Variants in IGF1R observed in about 807,000 individuals in gnomAD.
IGF1R encodes insulin-like growth factor 1 receptor.
Under a neutral mutation model 144.6 loss-of-function variants are expected in IGF1R, and 44 were observed. The observed-to-expected ratio is 0.30, with a 90% CI of 0.24 to 0.39. IGF1R has a LOEUF of 0.39. Ranked by LOEUF, IGF1R falls within the 10% of genes least tolerant of loss-of-function variation. IGF1R has a pLI of 1.00. For synonymous variants in IGF1R, 795 were observed against 722.8 expected, an observed-to-expected ratio of 1.10 and a Z score of -1.60; for missense variants, 1,355 against 1,833.7, an observed-to-expected ratio of 0.74 and a Z score of 4.77.
intron 13 of IGF1R, among the ~76,000 whole-genome samples, chr15:98,926,892 A>G (rs2015742706): frequency 6.6e-6 from 1 of 152,150 alleles, no homozygotes; most frequent in Admixed American, 6.5e-5. Context: ...GAAGCTTCAT[A>G]ATATTCCTGC....
intron 2 of IGF1R, among the ~76,000 whole-genome samples, chr15:98,841,055 C>T (rs2011165700): frequency 6.6e-6 from 1 of 152,044 alleles, no homozygotes; most frequent in South Asian, 2.1e-4. Flanking sequence ...GCCACCGCAT[C>T]TGGTCTCTAA....
intron 17 of IGF1R, among the ~76,000 whole-genome samples, chr15:98,937,301 C>T (rs2016191942): frequency 6.6e-6 from 1 of 152,136 alleles, no homozygotes; most frequent in Non-Finnish European, 1.5e-5. Context: ...TCTGAAAAGT[C>T]CAAAACTCAC....
chr15:98,952,336 C>T (rs112146452), intron 20 of IGF1R, among the ~76,000 whole-genome samples: 14 of 67,698 alleles, frequency 2.1e-4, no homozygotes, highest in African/African-American at 5.9e-4. Context: ...ACACACTGCC[C>T]CTCACAGGTG....
chr15:98,778,751 C>A (rs2055781938), intron 2 of IGF1R, among the ~76,000 whole-genome samples: 1 of 152,224 alleles, frequency 6.6e-6, no homozygotes, highest in South Asian at 2.1e-4. Flanking sequence ...TTGTGTCAGC[C>A]TGGTAGTGGT....
chr15:98,715,281 C>T (rs2054087271), intron 2 of IGF1R, among the ~76,000 whole-genome samples: 2 of 152,190 alleles, frequency 1.3e-5, no homozygotes, highest in African/African-American at 4.8e-5. Flanking sequence ...TGCCTTGTGC[C>T]TCAAAGACTT....
chr15:98,839,380 C>A (rs1679403883), intron 2 of IGF1R, among the ~76,000 whole-genome samples: 1 of 152,132 alleles, frequency 6.6e-6, no homozygotes, highest in South Asian at 2.1e-4. Context: ...AAGTCTCCCC[C>A]ACCTCCCTAC....
chr15:98,787,809 G>A (rs1169343256), intron 2 of IGF1R, among the ~76,000 whole-genome samples: 1 of 152,198 alleles, frequency 6.6e-6, no homozygotes, highest in Non-Finnish European at 1.5e-5. Flanking sequence ...AGCTGGAGGT[G>A]TCTGGTAGGG....
At chr15:98,941,309 G>A (rs758259912) in intron 18 of IGF1R, among the ~76,000 whole-genome samples, 10 of 152,148 alleles carry the variant, frequency 6.6e-5, no homozygotes, top group South Asian at 2.1e-4. Flanking sequence ...CCCACCCTCC[G>A]GGCACATGGG....
intron 2 of IGF1R, among the ~76,000 whole-genome samples, chr15:98,878,440 A>G (rs770182913): frequency 6.6e-6 from 1 of 152,190 alleles, no homozygotes; most frequent in Non-Finnish European, 1.5e-5. Context: ...ATAAACTTAT[A>G]AGGAATATAC....
chr15:98,705,813 TG>T (rs2053848837), intron 1 of IGF1R, among the ~76,000 whole-genome samples: 1 of 152,222 alleles, frequency 6.6e-6, no homozygotes, highest in African/African-American at 2.4e-5. Flanking sequence ...TCAGGAGCCT[TG>T]TGGGGGCTTT....
chr15:98,780,759 A>G (rs1398721680), intron 2 of IGF1R, among the ~76,000 whole-genome samples: 2 of 152,174 alleles, frequency 1.3e-5, no homozygotes, highest in East Asian at 3.8e-4. Context: ...CGGTTTAGAT[A>G]GATAAGTGAA....
At position 98,707,873 on chromosome 15, in the gene IGF1R, A is replaced by G. The variant is rs1461511983; in HGVS notation, c.406A>G (p.Ile136Val). 2 of 1,614,038 alleles carry G rather than the reference A, an allele frequency of 1.2e-6. No individual in the cohort carries two copies. Among genetic ancestry groups the G allele is most frequent in the Non-Finnish European group, 1.7e-6 (2 of 1,180,038 alleles). Reference protein sequence around the residue: ...KDIGLYNLRNITRGAIRIEKN... With the variant: ...KDIGLYNLRNVTRGAIRIEKN... Reference sequence around the variant, plus strand: ...TATTGGGCTTTACAACCTGAGGAACATTACTCGGGGGGCCATCAGGATTGA... The same window carrying G: ...TATTGGGCTTTACAACCTGAGGAACGTTACTCGGGGGGCCATCAGGATTGA... Residue 136 changes from isoleucine to valine, a missense_variant, in exon 2 of 21, where the codon ATT (isoleucine) becomes GTT (valine). Transcript: ENST00000650285. The surrounding 1 kb of genome is among the most constrained non-coding windows in gnomAD (Gnocchi z 6.7).
At chr15:98,804,743 G>C (rs938252410) in intron 2 of IGF1R, among the ~76,000 whole-genome samples, 1 of 152,156 alleles carries the variant, frequency 6.6e-6, no homozygotes, top group South Asian at 2.1e-4. Context: ...ATGGAGTTTC[G>C]CTGGAGTGCA....
intron 1 of IGF1R, among the ~76,000 whole-genome samples, chr15:98,668,398 G>A (rs2052798160): frequency 5.3e-5 from 8 of 152,168 alleles, no homozygotes; most frequent in Admixed American, 5.2e-4. Context: ...TCTTGGCCAG[G>A]TCTGAGAGTT....
chr15:98,898,160 A>G (rs1377088055), intron 4 of IGF1R, among the ~76,000 whole-genome samples: 2 of 152,124 alleles, frequency 1.3e-5, no homozygotes, highest in Admixed American at 1.3e-4. Flanking sequence ...GCCCACTCTC[A>G]TGGTACTTCT....
At chr15:98,898,003 A>G (rs1362843991) in intron 4 of IGF1R, among the ~76,000 whole-genome samples, 1 of 151,856 alleles carries the variant, frequency 6.6e-6, no homozygotes, top group African/African-American at 2.4e-5. Context: ...TTAAATGAGT[A>G]GACTGTATTC....
At chr15:98,794,213 G>A (rs1010607268) in intron 2 of IGF1R, among the ~76,000 whole-genome samples, 9 of 152,158 alleles carry the variant, frequency 5.9e-5, no homozygotes, top group Admixed American at 6.5e-5. Context: ...CTAGACTTCC[G>A]CAGTTTTGGA....
intron 2 of IGF1R, among the ~76,000 whole-genome samples, chr15:98,757,058 T>C (rs2055173264): frequency 6.6e-6 from 1 of 152,252 alleles, no homozygotes; most frequent in Admixed American, 6.5e-5. Context: ...GCAAAGGTTT[T>C]ATTTTCTGTA....
chr15:98,886,374 T>C (rs1312139271), intron 2 of IGF1R, among the ~76,000 whole-genome samples: 2 of 152,194 alleles, frequency 1.3e-5, no homozygotes, highest in Non-Finnish European at 2.9e-5. Context: ...CCAATCCTTT[T>C]AGTGGTGGAT....
Sources: gnomAD v4.1 joint callset for allele counts (sites outside exome capture counted in the v4.1 genomes callset) on GRCh38, gnomAD v4.1.1 for gene constraint, Gnocchi (gnomAD v3.1) non-coding constraint, MANE v1.5 for transcripts, NCBI Gene and HGNC (gene_info 2026-07-23, HGNC 2026-07-21) for gene names.